Variants in ZFYVE9 observed in about 807,000 individuals in gnomAD.
ZFYVE9 encodes zinc finger FYVE domain-containing protein 9.
Under a neutral mutation model 126.7 loss-of-function variants are expected in ZFYVE9, and 43 were observed. The observed-to-expected ratio is 0.34, with a 90% CI of 0.27 to 0.44. The LOEUF (loss-of-function observed/expected upper bound fraction) is 0.44, where lower values mean the gene tolerates loss of function less well. ZFYVE9 is among the 20% of genes least tolerant of loss of function. The pLI is 1.00. For missense variants in ZFYVE9, 1,476 were observed against 1,697.0 expected (o/e 0.87, Z 2.29); for synonymous variants, 521 against 597.4 (o/e 0.87, Z 1.87).
intron 13 of ZFYVE9, among the ~76,000 whole-genome samples, chr1:52,315,839 C>CTGTATGTTG (rs892008277): frequency 6.6e-6 from 1 of 152,204 alleles, no homozygotes; most frequent in Non-Finnish European, 1.5e-5. Flanking sequence ...GAAGATTCAT[C>CTGTATGTTG]TGTATGTTGT....
intron 1 of ZFYVE9, chr1:52,179,884 C>G (rs1162556226): frequency 1.2e-6 from 1 of 819,916 alleles, no homozygotes; most frequent in Non-Finnish European, 2.1e-6. Flanking sequence ...GGAGTGACAT[C>G]TTACACAAAA....
chr1:52,292,348 C>A (rs1645929778), intron 10 of ZFYVE9, among the ~76,000 whole-genome samples: 1 of 151,158 alleles, frequency 6.6e-6, no homozygotes, highest in African/African-American at 2.4e-5. Context: ...CATAAATCCT[C>A]ATCTTCCCTT....
intron 1 of ZFYVE9, among the ~76,000 whole-genome samples, chr1:52,179,097 C>G (rs1009656882): frequency 1.1e-4 from 16 of 152,112 alleles, no homozygotes; most frequent in African/African-American, 3.6e-4. Flanking sequence ...AGACACTGTG[C>G]CTGGCCACAA....
chr1:52,274,192 A>G (rs1645722097), intron 7 of ZFYVE9, among the ~76,000 whole-genome samples: 1 of 152,202 alleles, frequency 6.6e-6, no homozygotes, highest in African/African-American at 2.4e-5. Context: ...GGGTAAAGGA[A>G]GCTTTAATGC....
intron 13 of ZFYVE9, 33 bp from the exon 14 acceptor site, chr1:52,332,735 C>G: frequency 1.3e-6 from 2 of 1,597,584 alleles, no homozygotes; most frequent in Non-Finnish European, 1.7e-6. Flanking sequence ...AATGCCCATT[C>G]TTGTCAGAAT....
chr1:52,180,179 C>T (rs1372137755), intron 1 of ZFYVE9: 18 of 1,454,536 alleles, frequency 1.2e-5, no homozygotes, highest in Middle Eastern at 2.4e-4. Context: ...GTTTGTGGGT[C>T]GTCTTGCACC....
At chr1:52,209,507 C>T (rs1041935134) in intron 1 of ZFYVE9, among the ~76,000 whole-genome samples, 1 of 152,098 alleles carries the variant, frequency 6.6e-6, no homozygotes. Flanking sequence ...TTCCTCCTCT[C>T]CCCAGCCCCT....
chr1:52,169,527 A>G (rs1557435026), intron 1 of ZFYVE9, among the ~76,000 whole-genome samples: 2 of 152,122 alleles, frequency 1.3e-5, no homozygotes, highest in Non-Finnish European at 2.9e-5. Context: ...ATCCATTAGA[A>G]TGTAATCTCT....
chr1:52,252,950 A>T (rs1327891152), intron 4 of ZFYVE9, among the ~76,000 whole-genome samples: 11 of 152,198 alleles, frequency 7.2e-5, no homozygotes, highest in Non-Finnish European at 1.6e-4. Flanking sequence ...GCGGTGGCTC[A>T]CGCCTGTAAT....
At chr1:52,158,689 G>A in intron 1 of ZFYVE9, among the ~76,000 whole-genome samples, 1 of 152,214 alleles carries the variant, frequency 6.6e-6, no homozygotes, top group Non-Finnish European at 1.5e-5. Context: ...ATAAGGACCT[G>A]TTTGTGAGCT....
intron 1 of ZFYVE9, among the ~76,000 whole-genome samples, chr1:52,192,979 CTAT>C (rs1409070915): frequency 1.3e-5 from 2 of 152,042 alleles, no homozygotes; most frequent in Non-Finnish European, 2.9e-5. Flanking sequence ...GAGATAGGTA[CTAT>C]TATTATTATT....
chr1:52,212,847 A>G (rs1645039992), intron 1 of ZFYVE9, among the ~76,000 whole-genome samples: 1 of 152,266 alleles, frequency 6.6e-6, no homozygotes, highest in African/African-American at 2.4e-5. Context: ...TTATGGGAAC[A>G]CAGAGAACTA....
At chr1:52,177,946 T>TTG (rs1407513975) in intron 1 of ZFYVE9, among the ~76,000 whole-genome samples, 2 of 151,218 alleles carry the variant, frequency 1.3e-5, no homozygotes, top group African/African-American at 4.9e-5. Context: ...GTAGTTTTGT[T>TTG]TTTTTTTTTT....
chr1:52,241,189 A>C (rs1485615683), intron 4 of ZFYVE9, among the ~76,000 whole-genome samples: 1 of 152,192 alleles, frequency 6.6e-6, no homozygotes, highest in East Asian at 1.9e-4. Context: ...AAATGTATAC[A>C]ATAAAATTTA....
intron 1 of ZFYVE9, among the ~76,000 whole-genome samples, chr1:52,146,304 C>T (rs1342492411): frequency 6.6e-6 from 1 of 152,084 alleles, no homozygotes; most frequent in Non-Finnish European, 1.5e-5. Context: ...AGAGAGACAA[C>T]TGTATATAAT....
intron 17 of ZFYVE9, among the ~76,000 whole-genome samples, chr1:52,342,537 CT>C (rs11327271): frequency 0.88 from 112,062 of 127,430 alleles, 49,013 homozygotes; most frequent in East Asian, 0.99. Flanking sequence ...CCCAAAGTGC[CT>C]TTTTTTTTTT....
At chr1:52,273,646 G>C (rs1645716034) in intron 7 of ZFYVE9, among the ~76,000 whole-genome samples, 1 of 151,762 alleles carries the variant, frequency 6.6e-6, no homozygotes, top group African/African-American at 2.4e-5. Flanking sequence ...CTGGCTAACA[G>C]GTGAAACCCC....
chr1:52,270,554 G>A (rs577381228), intron 7 of ZFYVE9, among the ~76,000 whole-genome samples: 59 of 152,216 alleles, frequency 3.9e-4, no homozygotes, highest in African/African-American at 1.3e-3. Context: ...GTAAGCCACC[G>A]CGCCTGGCCT....
intron 1 of ZFYVE9, among the ~76,000 whole-genome samples, chr1:52,157,550 C>T (rs1179092081): frequency 4.0e-5 from 6 of 151,360 alleles, no homozygotes; most frequent in African/African-American, 1.5e-4. Context: ...GACAGGTGCC[C>T]ACCACCACAC....
Sources: allele counts gnomAD v4.1 joint callset (sites outside exome capture counted in the v4.1 genomes callset), GRCh38; gene constraint gnomAD v4.1.1; transcripts MANE v1.5; gene names NCBI Gene and HGNC (gene_info 2026-07-23, HGNC 2026-07-21).